Variants in GRID1 observed in about 807,000 individuals in gnomAD.
The protein encoded by GRID1 is glutamate ionotropic receptor delta type subunit 1.
In GRID1, 28 loss-of-function variants were observed where a neutral mutation model predicts 98.0. The observed-to-expected ratio is 0.29, with a 90% CI of 0.21 to 0.39. GRID1 has a LOEUF of 0.39. GRID1 is among the 10% of genes least tolerant of loss of function. The probability of loss-of-function intolerance (pLI) is 1.00; values close to 1 mark genes in which losing one functional copy is unlikely to be tolerated. For missense variants in GRID1, 1,111 were observed against 1,340.5 expected (o/e 0.83, Z 2.67); for synonymous variants, 553 against 538.5 (o/e 1.03, Z -0.37).
At chr10:85,964,970 G>A (rs1459932719) in intron 4 of GRID1, among the ~76,000 whole-genome samples, 1 of 152,100 alleles carries the variant, frequency 6.6e-6, no homozygotes, top group Non-Finnish European at 1.5e-5. Flanking sequence ...TCAAAAAGTG[G>A]GCAAAGGATA....
chr10:85,859,175 G>C (rs1368025714), intron 6 of GRID1, among the ~76,000 whole-genome samples: 1 of 152,166 alleles, frequency 6.6e-6, no homozygotes, highest in East Asian at 1.9e-4. Context: ...AGCAAACTTT[G>C]AGCTCTTTAA....
rs115446046 is a variant in GRID1 at position 85,874,641 on chromosome 10, T to C, written c.781-5461A>G. Among the ~76,000 whole-genome samples the C allele has an allele frequency of 1.7e-3, 265 of 152,302 alleles. 2 individuals carry two copies. The highest frequency in any genetic ancestry group is 6.1e-3 in the African/African-American group (252 of 41,558). On this transcript the variant is annotated intron_variant, in intron 5 of 15. Coordinates refer to ENST00000327946, the MANE Select transcript of GRID1 (RefSeq NM_017551.3). ...GTATCTTCTCCACGTTCAGGAATGT[T>C]TGTTAGAACCAGGCTACAAACCCAT...
intron 3 of GRID1, among the ~76,000 whole-genome samples, chr10:86,179,707 C>T (rs1845627872): frequency 6.6e-6 from 1 of 152,180 alleles, no homozygotes; most frequent in Admixed American, 6.5e-5. Flanking sequence ...ATCACAATGA[C>T]TCTCCTAGCC....
At chr10:85,891,538 G>C (rs1277271141) in intron 5 of GRID1, among the ~76,000 whole-genome samples, 1 of 152,098 alleles carries the variant, frequency 6.6e-6, no homozygotes, top group African/African-American at 2.4e-5. Flanking sequence ...CAAAATATAT[G>C]CAACAAGTTT....
chr10:85,716,266 T>C (rs1447168470), intron 12 of GRID1, among the ~76,000 whole-genome samples: 2 of 152,084 alleles, frequency 1.3e-5, no homozygotes, highest in Non-Finnish European at 2.9e-5. Flanking sequence ...TGTAGGGACA[T>C]GGATGAAGCT....
At chr10:86,252,310 T>C (rs917115289) in intron 2 of GRID1, among the ~76,000 whole-genome samples, 1 of 152,174 alleles carries the variant, frequency 6.6e-6, no homozygotes, top group African/African-American at 2.4e-5. Flanking sequence ...CTCAGTCACA[T>C]CCATCCAGGC....
intron 2 of GRID1, among the ~76,000 whole-genome samples, chr10:86,209,566 A>T (rs139708181): frequency 5.9e-4 from 90 of 152,372 alleles, no homozygotes; most frequent in Middle Eastern, 3.4e-3. Flanking sequence ...ACCCATGAAA[A>T]CAGCAAGAGA....
In GRID1 at chr10:85,895,014, A is replaced by ATAT. The variant is rs1322282990; in HGVS notation, c.780+21171_780+21172insATA. On this transcript the variant is annotated intron_variant, in intron 5 of 15. Coordinates refer to ENST00000327946, the MANE Select transcript of GRID1 (RefSeq NM_017551.3). ...AACTGGGACTCTCAAAAAAAAAAAA[A>ATAT]AAATATATATATATATATATATATA... Among the ~76,000 whole-genome samples the ATAT allele has an allele frequency of 4.7e-3, 514 of 108,546 alleles. 3 individuals are homozygous for ATAT. The East Asian group carries it at 0.056, about 12-fold the overall frequency. The allele number at this position is 108,546 out of a possible 152,430, so 71.2% of individuals were successfully genotyped here.
chr10:86,307,353 TCA>T (rs1847772351), intron 2 of GRID1, among the ~76,000 whole-genome samples: 1 of 152,196 alleles, frequency 6.6e-6, no homozygotes, highest in Non-Finnish European at 1.5e-5. Flanking sequence ...ACAATGGAAT[TCA>T]GCCTTAAAAA....
intron 5 of GRID1, among the ~76,000 whole-genome samples, chr10:85,901,227 T>TTTTATTTATTTA (rs34330928): frequency 0.012 from 1,825 of 146,326 alleles, 41 homozygotes; most frequent in African/African-American, 0.044. Context: ...TTTTATTTTA[T>TTTTATTTATTTA]TTTATTTATT....
intron 4 of GRID1, among the ~76,000 whole-genome samples, chr10:86,061,816 A>G (rs1325218765): frequency 1.3e-5 from 2 of 152,220 alleles, no homozygotes; most frequent in African/African-American, 2.4e-5. Context: ...AGCCTGTTCA[A>G]CCTGCCTTAT....
intron 15 of GRID1, 147 bp from the exon 16 acceptor site, chr10:85,602,848 C>G: frequency 1.6e-6 from 1 of 616,512 alleles, no homozygotes; most frequent in Admixed American, 2.9e-5. Context: ...CCCACCTCCC[C>G]TCAATTATAT....
intron 3 of GRID1, among the ~76,000 whole-genome samples, chr10:86,142,963 G>A (rs1174716389): frequency 6.6e-6 from 1 of 152,252 alleles, no homozygotes; most frequent in Non-Finnish European, 1.5e-5. Context: ...GCAAACGGGA[G>A]GACATAAGCC....
intron 15 of GRID1, among the ~76,000 whole-genome samples, chr10:85,608,418 C>A (rs781647420): frequency 2.0e-4 from 30 of 152,168 alleles, no homozygotes; most frequent in Admixed American, 3.9e-4. Context: ...AGCCATTGAT[C>A]CAGGTGCAAT....
intron 2 of GRID1, among the ~76,000 whole-genome samples, chr10:86,297,584 A>G (rs539143880): frequency 1.4e-4 from 21 of 152,348 alleles, no homozygotes; most frequent in African/African-American, 4.8e-4. Context: ...TCATACTGAT[A>G]AAAGAAAGTA....
intron 8 of GRID1, among the ~76,000 whole-genome samples, chr10:85,852,395 A>G (rs1843067971): frequency 6.6e-6 from 1 of 152,114 alleles, no homozygotes; most frequent in African/African-American, 2.4e-5. Context: ...GACACCTGAA[A>G]CAGGAAGTGG....
chr10:85,898,904 C>A (rs968390992), intron 5 of GRID1, among the ~76,000 whole-genome samples: 1 of 152,176 alleles, frequency 6.6e-6, no homozygotes, highest in African/African-American at 2.4e-5. Context: ...TATTATTATT[C>A]TCAAGTATTA....
intron 12 of GRID1, among the ~76,000 whole-genome samples, chr10:85,686,981 C>T (rs1348353033): frequency 6.6e-6 from 1 of 151,702 alleles, no homozygotes; most frequent in African/African-American, 2.4e-5. Flanking sequence ...AATATAACAC[C>T]AAACAAAAAA....
chr10:85,914,163 C>T (rs73344668), intron 5 of GRID1, among the ~76,000 whole-genome samples: 2,300 of 152,284 alleles, frequency 0.015, 64 homozygotes, highest in African/African-American at 0.052. Flanking sequence ...CTGAAGTTAA[C>T]GCCAGCCCTG....
Sources: allele counts gnomAD v4.1 joint callset (sites outside exome capture counted in the v4.1 genomes callset), GRCh38; gene constraint gnomAD v4.1.1; transcripts MANE v1.5; gene names NCBI Gene and HGNC (gene_info 2026-07-23, HGNC 2026-07-21).